The following SNAP91 variants were observed in gnomAD, a reference collection of about 807,000 sequenced individuals.
SNAP91 encodes synaptosome associated protein 91.
A neutral mutation model predicts 100.3 loss-of-function variants in SNAP91; 27 were observed. The ratio of observed to expected loss-of-function variants is 0.27; its 90% CI spans 0.20 to 0.37. The LOEUF (loss-of-function observed/expected upper bound fraction) is 0.37, where lower values mean the gene tolerates loss of function less well. SNAP91 is among the 10% of genes least tolerant of loss of function. The pLI is 1.00. For missense variants in SNAP91, 986 were observed against 1,123.7 expected, an observed-to-expected ratio of 0.88 and a Z score of 1.75; for synonymous variants, 404 against 398.6, an observed-to-expected ratio of 1.01 and a Z score of -0.16.
At chr6:83,674,217 G>A (rs1199980412) in intron 2 of SNAP91, among the ~76,000 whole-genome samples, 1 of 152,090 alleles carries the variant, frequency 6.6e-6, no homozygotes, top group African/African-American at 2.4e-5. Flanking sequence ...TTGAGGTCGG[G>A]AGTTTGAAAC....
intron 8 of SNAP91, 25 bp downstream of exon 8, chr6:83,641,071 C>G (rs764781386): frequency 3.9e-6 from 5 of 1,268,290 alleles, no homozygotes; most frequent in Non-Finnish European, 5.4e-6. Context: ...AAATTATATT[C>G]CCAAGAAAAC....
intron 5 of SNAP91, 142 bp downstream of exon 5, chr6:83,661,360 A>G (rs1324441543): frequency 1.9e-6 from 1 of 539,048 alleles, no homozygotes; most frequent in African/African-American, 1.9e-5. Flanking sequence ...AACTTCTACA[A>G]TATTATTGAG....
chr6:83,706,945 C>T (rs2099389907), intron 2 of SNAP91, among the ~76,000 whole-genome samples: 2 of 152,176 alleles, frequency 1.3e-5, no homozygotes, highest in South Asian at 2.1e-4. Context: ...GTTTATCCTT[C>T]GGTGACAAAA....
chr6:83,625,012 A>G (rs914397601), intron 8 of SNAP91, among the ~76,000 whole-genome samples: 1 of 152,004 alleles, frequency 6.6e-6, no homozygotes, highest in Non-Finnish European at 1.5e-5. Flanking sequence ...CACAGTACCT[A>G]ACAGGAAGGT....
At chr6:83,638,104 G>A (rs1179441602) in intron 8 of SNAP91, among the ~76,000 whole-genome samples, 1 of 152,168 alleles carries the variant, frequency 6.6e-6, no homozygotes, top group Non-Finnish European at 1.5e-5. Flanking sequence ...GTAGAGAACA[G>A]GAACTGCAGA....
intron 7 of SNAP91, among the ~76,000 whole-genome samples, chr6:83,652,806 A>G (rs1478331653): frequency 6.6e-6 from 1 of 152,044 alleles, no homozygotes; most frequent in Non-Finnish European, 1.5e-5. Flanking sequence ...AATTCTTTCC[A>G]GTTGTGTTTG....
At chr6:83,652,386 T>C (rs930440697) in intron 7 of SNAP91, among the ~76,000 whole-genome samples, 1 of 152,152 alleles carries the variant, frequency 6.6e-6, no homozygotes, top group African/African-American at 2.4e-5. Flanking sequence ...TTTACTTTTT[T>C]AGTGGTTCCC....
chr6:83,589,902 T>C (rs1048048314), intron 22 of SNAP91, among the ~76,000 whole-genome samples: 1 of 152,198 alleles, frequency 6.6e-6, no homozygotes, highest in Non-Finnish European at 1.5e-5. Flanking sequence ...GGTGCCAGGA[T>C]TGTTTATTGT....
intron 28 of SNAP91, among the ~76,000 whole-genome samples, chr6:83,559,306 T>C (rs182374904): frequency 2.8e-4 from 42 of 152,302 alleles, no homozygotes; most frequent in African/African-American, 9.4e-4. Context: ...TCCTACATAA[T>C]GAAGCATCAA....
chr6:83,641,941 T>C (rs1427788367), intron 7 of SNAP91, among the ~76,000 whole-genome samples: 1 of 152,092 alleles, frequency 6.6e-6, no homozygotes, highest in East Asian at 1.9e-4. Context: ...AATATGAGAG[T>C]ATAATTTTTC....
chr6:83,698,905 A>G (rs374068515), intron 2 of SNAP91, among the ~76,000 whole-genome samples: 2 of 152,250 alleles, frequency 1.3e-5, no homozygotes, highest in East Asian at 3.8e-4. Context: ...CATGATAGGC[A>G]GTATATAAAG....
chr6:83,621,473 T>C (rs2096726215), intron 9 of SNAP91, among the ~76,000 whole-genome samples: 1 of 152,176 alleles, frequency 6.6e-6, no homozygotes, highest in African/African-American at 2.4e-5. Flanking sequence ...AAGATTTTAC[T>C]TTCTTTGAGG....
intron 7 of SNAP91, among the ~76,000 whole-genome samples, chr6:83,645,159 AAC>A (rs1239865184): frequency 6.6e-6 from 1 of 152,170 alleles, no homozygotes; most frequent in African/African-American, 2.4e-5. Context: ...AAAGTCCTTG[AAC>A]ACTGCTTAAA....
At chr6:83,630,232 G>A (rs2097150791) in intron 8 of SNAP91, among the ~76,000 whole-genome samples, 1 of 152,028 alleles carries the variant, frequency 6.6e-6, no homozygotes, top group Non-Finnish European at 1.5e-5. Context: ...TTTTTGATAT[G>A]TTGTTGGATT....
At chr6:83,574,986 C>T (rs376294937) in intron 26 of SNAP91, 24 bp downstream of exon 26, 2 of 1,490,234 alleles carry the variant, frequency 1.3e-6, no homozygotes, top group Non-Finnish European at 1.8e-6. Context: ...GCCTGCGCTG[C>T]CCTGGGCTCT....
intron 16 of SNAP91, among the ~76,000 whole-genome samples, chr6:83,595,385 T>C (rs2094344109): frequency 6.6e-6 from 1 of 152,216 alleles, no homozygotes; most frequent in African/African-American, 2.4e-5. Context: ...TATTATTATT[T>C]ATAGAATATC....
At chr6:83,614,186 T>C (rs555924392) in intron 11 of SNAP91, among the ~76,000 whole-genome samples, 1 of 152,256 alleles carries the variant, frequency 6.6e-6, no homozygotes, top group African/African-American at 2.4e-5. Flanking sequence ...TTCAAATAAC[T>C]TGAATTACAA....
chr6:83,630,163 G>A (rs1167585029), intron 8 of SNAP91, among the ~76,000 whole-genome samples: 2 of 152,048 alleles, frequency 1.3e-5, no homozygotes, highest in African/African-American at 4.8e-5. Context: ...TTATTGACTT[G>A]CATATGTTAA....
chr6:83,688,325 G>A (rs1252450498), intron 2 of SNAP91, among the ~76,000 whole-genome samples: 1 of 152,076 alleles, frequency 6.6e-6, no homozygotes, highest in Non-Finnish European at 1.5e-5. Context: ...TCTACTGTTT[G>A]AAACTCTGCA....
Sources: gnomAD v4.1 joint callset for allele counts (sites outside exome capture counted in the v4.1 genomes callset) on GRCh38, gnomAD v4.1.1 for gene constraint, MANE v1.5 for transcripts, NCBI Gene and HGNC (gene_info 2026-07-23, HGNC 2026-07-21) for gene names.